WDR43: variants seen among roughly 807,000 people sequenced by gnomAD.
WDR43 encodes WD repeat-containing protein 43.
A neutral mutation model predicts 91.4 loss-of-function variants in WDR43; 13 were observed. The observed-to-expected ratio is 0.14, with a 90% CI of 0.09 to 0.23. The LOEUF (loss-of-function observed/expected upper bound fraction) is 0.23. Among genes scored for constraint, WDR43 ranks in the 10% least tolerant of loss-of-function variants. The pLI, the probability that WDR43 is intolerant of heterozygous loss-of-function variation, is 1.00. For missense variants in WDR43, 780 were observed against 809.4 expected (o/e 0.96, Z 0.44); for synonymous variants, 331 against 287.9 (o/e 1.15, Z -1.51).
chr2:28,915,539 T>C (rs1670888759), intron 5 of WDR43, among the ~76,000 whole-genome samples: 4 of 152,232 alleles, frequency 2.6e-5, no homozygotes, highest in Admixed American at 2.0e-4. Flanking sequence ...ATAGTGTCTA[T>C]TATATGTGGG....
chr2:28,902,516 G>A (rs574827235), intron 2 of WDR43, among the ~76,000 whole-genome samples: 12 of 152,344 alleles, frequency 7.9e-5, no homozygotes, highest in Non-Finnish European at 1.5e-4. Context: ...CTCTTGAAGA[G>A]TGGCCCCATG....
intron 2 of WDR43, among the ~76,000 whole-genome samples, chr2:28,904,562 G>A (rs1401714816): frequency 6.6e-6 from 1 of 152,114 alleles, no homozygotes; most frequent in Non-Finnish European, 1.5e-5. Flanking sequence ...ATTGCTACAG[G>A]AACAGACTAA....
chr2:28,937,211 A>G (rs1047762639), intron 13 of WDR43, among the ~76,000 whole-genome samples: 5 of 152,148 alleles, frequency 3.3e-5, no homozygotes, highest in Admixed American at 2.0e-4. Context: ...TAGTGTTGAT[A>G]TCGTAAAACT....
At chr2:28,938,375 A>G (rs2148198289) in intron 14 of WDR43, among the ~76,000 whole-genome samples, 1 of 152,210 alleles carries the variant, frequency 6.6e-6, no homozygotes, top group Non-Finnish European at 1.5e-5. Flanking sequence ...AGGAGGATAA[A>G]ATGTAGTTAA....
intron 15 of WDR43, 112 bp downstream of exon 15, chr2:28,941,686 G>A: frequency 5.1e-6 from 4 of 789,752 alleles, no homozygotes; most frequent in Non-Finnish European, 6.1e-6. Context: ...GCTGCACTGC[G>A]GTAGCATGAT....
chr2:28,944,909 C>T (rs780677830), intron 16 of WDR43, among the ~76,000 whole-genome samples: 6 of 152,130 alleles, frequency 3.9e-5, no homozygotes, highest in Non-Finnish European at 8.8e-5. Context: ...CATAACAGGG[C>T]GCAATTTAAA....
chr2:28,944,861 A>T (rs949053348), intron 16 of WDR43, among the ~76,000 whole-genome samples: 1 of 152,260 alleles, frequency 6.6e-6, no homozygotes, highest in African/African-American at 2.4e-5. Context: ...CTCTCCGGCC[A>T]GGCGGAGCCA....
At chr2:28,930,855 A>T (rs1400297521) in intron 11 of WDR43, among the ~76,000 whole-genome samples, 1 of 152,168 alleles carries the variant, frequency 6.6e-6, no homozygotes, top group East Asian at 1.9e-4. Flanking sequence ...TCAACTGTTG[A>T]TTTGTTGATA....
chr2:28,930,434 T>C (rs1245938566), intron 11 of WDR43, among the ~76,000 whole-genome samples: 1 of 152,252 alleles, frequency 6.6e-6, no homozygotes, highest in Admixed American at 6.5e-5. Context: ...CATAGCAGTG[T>C]TGTGATTTCA....
chr2:28,922,253 C>T (rs1024509648), intron 6 of WDR43, among the ~76,000 whole-genome samples: 1 of 152,304 alleles, frequency 6.6e-6, no homozygotes, highest in African/African-American at 2.4e-5. Context: ...TGTATTGGCT[C>T]CTCCCTGAAT....
intron 6 of WDR43, among the ~76,000 whole-genome samples, chr2:28,921,500 G>T (rs1295792907): frequency 6.6e-6 from 1 of 152,140 alleles, no homozygotes; most frequent in African/African-American, 2.4e-5. Context: ...GGCACTTCAT[G>T]TAAGATTGTA....
Position 28,946,487 on chromosome 2 carries a change from T to C in WDR43, c.1842T>C (p.Asp614=). The C allele has an allele frequency of 6.2e-7, 1 of 1,612,166 alleles. No homozygotes were observed. ...AGGAGTCTGATGATGAAATAGCAGA[T>C]AAGGATTCTGAAGTGAGTGATTTGT... is the stretch of plus-strand genomic sequence containing the variant. ...SEEESDDEIA[D]KDSEDNWDED... The change falls in exon 17 of 18, where the codon GAT becomes GAC. Residue 614 remains aspartate (D), a synonymous_variant. Coordinates refer to ENST00000407426, the MANE Select transcript of WDR43 (RefSeq NM_015131.3).
Position 28,894,749 on chromosome 2 carries a change from C to T in WDR43, c.51C>T (p.Val17=), listed in dbSNP as rs754075064. 4.4e-6 allele frequency: 7 copies of T among 1,596,150 alleles called. No homozygotes were observed. The highest frequency in any genetic ancestry group is 5.1e-6 in the Non-Finnish European group (6 of 1,172,062). ...GCGACCCCCTGGCCCCTGCTGGGGTCCCTTGCGCCTTCTCCCCGCACAGCC... is the reference window on the plus strand; with the variant it reads ...GCGACCCCCTGGCCCCTGCTGGGGTTCCTTGCGCCTTCTCCCCGCACAGCC... ...GSCDPLAPAG[V]PCAFSPHSQA... The change falls in exon 1 of 18, where the codon GTC becomes GTT. Residue 17 remains valine, a synonymous_variant. Coordinates refer to ENST00000407426, the MANE Select transcript of WDR43 (RefSeq NM_015131.3).
intron 3 of WDR43, among the ~76,000 whole-genome samples, chr2:28,910,696 ATTAT>A (rs1217662455): frequency 1.1e-5 from 1 of 93,530 alleles, no homozygotes; most frequent in East Asian, 1.1e-3. Flanking sequence ...TATATATATA[ATTAT>A]TATTTTTATT....
chr2:28,945,535 G>A (rs1671529777), intron 16 of WDR43, among the ~76,000 whole-genome samples: 1 of 152,140 alleles, frequency 6.6e-6, no homozygotes, highest in Non-Finnish European at 1.5e-5. Context: ...TTGTGGATTT[G>A]CTTCCTTTTG....
At chr2:28,939,810 A>G (rs1671399948) in intron 14 of WDR43, among the ~76,000 whole-genome samples, 1 of 152,180 alleles carries the variant, frequency 6.6e-6, no homozygotes, top group African/African-American at 2.4e-5. Context: ...AAGGCTAATC[A>G]GAGGTAAGGA....
intron 11 of WDR43, among the ~76,000 whole-genome samples, chr2:28,934,771 G>A (rs1671307736): frequency 6.6e-6 from 1 of 152,068 alleles, no homozygotes; most frequent in Non-Finnish European, 1.5e-5. Context: ...TTGCCTTTTG[G>A]TGCCACTGCT....
chr2:28,903,650 C>G (rs548601595), intron 2 of WDR43, among the ~76,000 whole-genome samples: 5 of 152,192 alleles, frequency 3.3e-5, no homozygotes, highest in African/African-American at 1.2e-4. Flanking sequence ...ATTCTTCCCC[C>G]CTCCTCCAAG....
At chr2:28,920,660 A>C (rs559676998) in intron 6 of WDR43, among the ~76,000 whole-genome samples, 1 of 152,174 alleles carries the variant, frequency 6.6e-6, no homozygotes, top group African/African-American at 2.4e-5. Flanking sequence ...TATGTAGAGA[A>C]TAGACTGAGG....
Sources: allele counts gnomAD v4.1 joint callset (sites outside exome capture counted in the v4.1 genomes callset), GRCh38; gene constraint gnomAD v4.1.1; transcripts MANE v1.5; gene names NCBI Gene and HGNC (gene_info 2026-07-23, HGNC 2026-07-21).